The following FBXW7 variants were observed in gnomAD, a reference collection of about 807,000 sequenced individuals.
FBXW7 encodes the protein F-box and WD repeat domain containing 7, also known as F-box/WD repeat-containing protein 7.
Under a neutral mutation model 86.3 loss-of-function variants are expected in FBXW7, and 11 were observed. The observed-to-expected ratio is 0.13, with a 90% confidence interval of 0.08 to 0.21. The LOEUF is 0.21. FBXW7 is among the 10% of genes least tolerant of loss of function. FBXW7 has a pLI of 1.00. For missense variants in FBXW7, 488 were observed against 847.4 expected (o/e 0.58, Z 5.27); for synonymous variants, 313 against 297.9 (o/e 1.05, Z -0.52).
chr4:152,343,442 G>C (rs1730935708), intron 6 of FBXW7, among the ~76,000 whole-genome samples: 1 of 152,056 alleles, frequency 6.6e-6, no homozygotes, highest in Non-Finnish European at 1.5e-5. Context: ...AGATGTACAT[G>C]TTTTTTCCCC....
intron 2 of FBXW7, among the ~76,000 whole-genome samples, chr4:152,518,065 T>C (rs1748667691): frequency 1.3e-5 from 2 of 152,180 alleles, no homozygotes; most frequent in Non-Finnish European, 2.9e-5. Context: ...CTCAGCTCAA[T>C]GCAACCTCCA....
chr4:152,416,890 T>C (rs541006226), intron 2 of FBXW7, among the ~76,000 whole-genome samples: 154 of 152,304 alleles, frequency 1.0e-3, no homozygotes, highest in African/African-American at 3.4e-3. Context: ...CTGTGTGATA[T>C]GGGCTTACTC....
At chr4:152,391,306 C>T (rs1735976958) in intron 4 of FBXW7, among the ~76,000 whole-genome samples, 1 of 151,978 alleles carries the variant, frequency 6.6e-6, no homozygotes, top group South Asian at 2.1e-4. Context: ...GCCTTTTACG[C>T]TGTCAATATT....
chr4:152,345,004 CAT>C (rs1230969270), intron 6 of FBXW7, among the ~76,000 whole-genome samples: 2 of 152,046 alleles, frequency 1.3e-5, no homozygotes, highest in Non-Finnish European at 2.9e-5. Context: ...TCAGTGAAAT[CAT>C]GTGATATGAA....
intron 2 of FBXW7, among the ~76,000 whole-genome samples, chr4:152,459,496 C>A (rs937524365): frequency 6.6e-6 from 1 of 151,864 alleles, no homozygotes; most frequent in Non-Finnish European, 1.5e-5. Flanking sequence ...TTATAGACAG[C>A]AATTAATTCA....
chr4:152,468,661 A>G (rs1218397121), intron 2 of FBXW7, among the ~76,000 whole-genome samples: 2 of 152,160 alleles, frequency 1.3e-5, no homozygotes, highest in Non-Finnish European at 2.9e-5. Context: ...TGGTAGTTGC[A>G]TAACTTGGTG....
chr4:152,363,363 A>G (rs916960889), intron 4 of FBXW7, among the ~76,000 whole-genome samples: 6 of 152,208 alleles, frequency 3.9e-5, no homozygotes, highest in Admixed American at 3.3e-4. Context: ...ATTGAGCAAG[A>G]TGTAATATCT....
intron 4 of FBXW7, among the ~76,000 whole-genome samples, chr4:152,385,557 T>C (rs758939760): frequency 6.6e-6 from 1 of 152,034 alleles, no homozygotes; most frequent in Non-Finnish European, 1.5e-5. Context: ...CAACAGTTTC[T>C]AGTTTCTAAG....
At chr4:152,341,792 T>C (rs1578928694) in intron 6 of FBXW7, among the ~76,000 whole-genome samples, 1 of 152,208 alleles carries the variant, frequency 6.6e-6, no homozygotes, top group Non-Finnish European at 1.5e-5. Context: ...TTGCAGCTAA[T>C]GACTATCTAC....
chr4:152,329,118 A>G (rs1229624060), intron 10 of FBXW7: 2 of 151,968 alleles, frequency 1.3e-5, no homozygotes, highest in African/African-American at 4.8e-5. Context: ...CTAGAGAATC[A>G]TTAAGGTATG....
chr4:152,401,636 C>T (rs1011545469), intron 4 of FBXW7, among the ~76,000 whole-genome samples: 2 of 152,122 alleles, frequency 1.3e-5, no homozygotes, highest in Admixed American at 1.3e-4. Context: ...TTTGCCCACA[C>T]CCACAGAGTG....
intron 2 of FBXW7, among the ~76,000 whole-genome samples, chr4:152,484,276 GATAA>G (rs1486057083): frequency 6.6e-6 from 1 of 151,576 alleles, no homozygotes; most frequent in Non-Finnish European, 1.5e-5. Flanking sequence ...TTCTTAAAAT[GATAA>G]ATATCAAATA....
chr4:152,473,159 G>T (rs1437218786), intron 2 of FBXW7, among the ~76,000 whole-genome samples: 1 of 152,180 alleles, frequency 6.6e-6, no homozygotes, highest in Non-Finnish European at 1.5e-5. Context: ...TGGGAAGATA[G>T]CATGAGCCCA....
intron 6 of FBXW7, among the ~76,000 whole-genome samples, chr4:152,344,774 C>T (rs1731093671): frequency 6.6e-6 from 1 of 151,920 alleles, no homozygotes; most frequent in South Asian, 2.1e-4. Flanking sequence ...TGAGAAATAT[C>T]CTAGATAGCA....
At chr4:152,522,469 T>TAC (rs1749112437) in intron 2 of FBXW7, among the ~76,000 whole-genome samples, 1 of 152,236 alleles carries the variant, frequency 6.6e-6, no homozygotes, top group South Asian at 2.1e-4. Flanking sequence ...TCAGCATGTA[T>TAC]ACAGAATCTA....
chr4:152,511,085 C>A (rs1747919975), intron 2 of FBXW7, among the ~76,000 whole-genome samples: 1 of 150,478 alleles, frequency 6.6e-6, no homozygotes, highest in South Asian at 2.1e-4. Flanking sequence ...TTCATGTTGC[C>A]CAGGCTGGTC....
chr4:152,325,753 G>A, intron 12 of FBXW7: 1 of 415,314 alleles, frequency 2.4e-6, no homozygotes, highest in Non-Finnish European at 4.3e-6. Flanking sequence ...AAAACTTAGA[G>A]CCCCAAAGTG....
At chr4:152,438,087 T>C (rs887990115) in intron 2 of FBXW7, among the ~76,000 whole-genome samples, 4 of 152,018 alleles carry the variant, frequency 2.6e-5, no homozygotes, top group African/African-American at 9.7e-5. Flanking sequence ...GGCAAGAGAA[T>C]CGCTTGAACC....
At chr4:152,457,918 A>G (rs945062100) in intron 2 of FBXW7, among the ~76,000 whole-genome samples, 2 of 151,454 alleles carry the variant, frequency 1.3e-5, no homozygotes, top group Non-Finnish European at 2.9e-5. Flanking sequence ...TCTTCTACTC[A>G]TATCTTCCCC....
Sources: gnomAD v4.1 joint callset for allele counts (sites outside exome capture counted in the v4.1 genomes callset) on GRCh38, gnomAD v4.1.1 for gene constraint, MANE v1.5 for transcripts, NCBI Gene and HGNC (gene_info 2026-07-23, HGNC 2026-07-21) for gene names.